SLCO1B1: variants seen among roughly 807,000 people sequenced by gnomAD.
SLCO1B1 encodes the protein OATP-2.
Under a neutral mutation model 70.1 loss-of-function variants are expected in SLCO1B1, and 81 were observed. The ratio of observed to expected loss-of-function variants is 1.16; its 90% CI spans 0.97 to 1.39. The LOEUF (loss-of-function observed/expected upper bound fraction) is 1.39, where lower values mean the gene tolerates loss of function less well. Among genes scored for constraint, SLCO1B1 ranks in the 40% most tolerant of loss-of-function variants. The probability of loss-of-function intolerance (pLI) is 0.00; values close to 1 mark genes in which losing one functional copy is unlikely to be tolerated. For missense variants in SLCO1B1, 895 were observed against 799.6 expected (o/e 1.12, Z -1.44); for synonymous variants, 283 against 271.5 (o/e 1.04, Z -0.42).
At chr12:21,152,046 GT>G (rs556149721) in intron 2 of SLCO1B1, among the ~76,000 whole-genome samples, 78 of 151,926 alleles carry the variant, frequency 5.1e-4, no homozygotes, top group Admixed American at 1.4e-3. Flanking sequence ...TTGGCCCACA[GT>G]TTTTTGATAC....
chr12:21,194,998 T>C (rs1565678831), intron 7 of SLCO1B1, among the ~76,000 whole-genome samples: 1 of 152,110 alleles, frequency 6.6e-6, no homozygotes, highest in Non-Finnish European at 1.5e-5. Flanking sequence ...TGAGAACTCA[T>C]ACACTATTGC....
At chr12:21,206,124 C>A (rs1941212709) in intron 11 of SLCO1B1, 91 bp downstream of exon 11, 3 of 1,062,336 alleles carry the variant, frequency 2.8e-6, no homozygotes, top group Non-Finnish European at 4.3e-6. Context: ...ACTAAGGACT[C>A]CATTAAAAAG....
intron 11 of SLCO1B1, among the ~76,000 whole-genome samples, chr12:21,212,040 T>G (rs12297133): frequency 0.31 from 43,484 of 139,404 alleles, 7,187 homozygotes; most frequent in East Asian, 0.43. Context: ...TTTTTGAAGG[T>G]TTTTTTTTGT....
chr12:21,148,593 A>T lies in SLCO1B1; in HGVS notation c.84+6935A>T, dbSNP rs924937872. The stretch of plus-strand genomic sequence containing the variant: ...ATATATCTGTTTTGGTAAAAGTACC[A>T]TGCTGTGTTGGTTACTGGAGGCTTG... On this transcript the variant is annotated intron_variant, in intron 2 of 14. Coordinates refer to ENST00000256958, the MANE Select transcript of SLCO1B1 (RefSeq NM_006446.5). Among the ~76,000 whole-genome samples the T allele has an allele frequency of 4.6e-5, 7 of 151,694 alleles. No individual in the cohort carries two copies. In the South Asian group the frequency reaches 1.3e-3, roughly 27 times the overall value.
chr12:21,215,975 T>C (rs1018743686), intron 11 of SLCO1B1, among the ~76,000 whole-genome samples: 8 of 152,124 alleles, frequency 5.3e-5, no homozygotes, highest in Non-Finnish European at 1.2e-4. Flanking sequence ...TGGATAAGAA[T>C]GACCCAGTTA....
intron 1 of SLCO1B1, among the ~76,000 whole-genome samples, chr12:21,136,897 G>C (rs1421372150): frequency 1.3e-5 from 2 of 152,170 alleles, no homozygotes; most frequent in Non-Finnish European, 2.9e-5. Flanking sequence ...TTTGGAGGAG[G>C]AGAGGCGCTC....
In SLCO1B1 at chr12:21,239,276, T is replaced by A. The variant is rs1466122638; in HGVS notation, c.*87T>A. 3.2e-6 allele frequency: 3 copies of A among 925,680 alleles called. No individual in the cohort carries two copies. In the South Asian group the frequency reaches 4.0e-5, roughly 12 times the overall value. 57.3% of individuals were successfully genotyped at this position (925,680 alleles called of 1,614,324 possible). On this transcript the variant is annotated 3_prime_UTR_variant, in exon 15 of 15. Coordinates refer to ENST00000256958, the MANE Select transcript of SLCO1B1 (RefSeq NM_006446.5). ...GATGTTATTTTTGAGGAGTTCCTGG[T>A]CCTTTCACTAAGAATTTCCACATCT...
At chr12:21,227,800 C>T (rs925370708) in intron 14 of SLCO1B1, among the ~76,000 whole-genome samples, 2 of 148,100 alleles carry the variant, frequency 1.4e-5, no homozygotes, top group South Asian at 4.3e-4. Flanking sequence ...TATAAAAAGA[C>T]CCTAAAACTA....
At chr12:21,167,885 C>T (rs1940707542) in intron 2 of SLCO1B1, among the ~76,000 whole-genome samples, 1 of 147,302 alleles carries the variant, frequency 6.8e-6, no homozygotes, top group African/African-American at 2.5e-5. Flanking sequence ...GGTGTGATCT[C>T]GTCTCACTGC....
intron 11 of SLCO1B1, among the ~76,000 whole-genome samples, chr12:21,214,191 T>G (rs1325092312): frequency 6.6e-6 from 1 of 152,132 alleles, no homozygotes; most frequent in Non-Finnish European, 1.5e-5. Flanking sequence ...ATCTTTGTGG[T>G]TTTATGTACT....
chr12:21,191,198 T>C (rs929249133), intron 7 of SLCO1B1, among the ~76,000 whole-genome samples: 24 of 152,084 alleles, frequency 1.6e-4, no homozygotes, highest in African/African-American at 5.8e-4. Context: ...TTGATAGGTA[T>C]TGTATTGAAT....
chr12:21,172,273 C>T (rs1417267171), intron 2 of SLCO1B1, among the ~76,000 whole-genome samples: 1 of 152,166 alleles, frequency 6.6e-6, no homozygotes, highest in Non-Finnish European at 1.5e-5. Flanking sequence ...TGAGAATGTA[C>T]TGCCACTCCC....
intron 1 of SLCO1B1, among the ~76,000 whole-genome samples, chr12:21,141,105 C>T (rs1021972660): frequency 2.0e-5 from 3 of 151,822 alleles, no homozygotes; most frequent in African/African-American, 7.3e-5. Flanking sequence ...TGAATATCTA[C>T]TCTGTGCAAG....
At chr12:21,164,549 A>C (rs1378098579) in intron 2 of SLCO1B1, among the ~76,000 whole-genome samples, 1 of 152,092 alleles carries the variant, frequency 6.6e-6, no homozygotes, top group Non-Finnish European at 1.5e-5. Context: ...TGGCTGCCAG[A>C]ATTAACCATC....
At chr12:21,233,025 A>G (rs1941557682) in intron 14 of SLCO1B1, among the ~76,000 whole-genome samples, 1 of 152,144 alleles carries the variant, frequency 6.6e-6, no homozygotes, top group Admixed American at 6.5e-5. Flanking sequence ...AACATTTTCC[A>G]CCCCAGCCTA....
chr12:21,210,782 T>G (rs947056162), intron 11 of SLCO1B1, among the ~76,000 whole-genome samples: 5 of 150,740 alleles, frequency 3.3e-5, no homozygotes, highest in Non-Finnish European at 7.4e-5. Context: ...TCACATCGCT[T>G]GTAAGTTGGA....
chr12:21,223,836 C>G (rs1197024496), intron 13 of SLCO1B1, among the ~76,000 whole-genome samples: 1 of 152,076 alleles, frequency 6.6e-6, no homozygotes, highest in Non-Finnish European at 1.5e-5. Context: ...CATCAAATTA[C>G]CTTTGCCTAG....
intron 8 of SLCO1B1, among the ~76,000 whole-genome samples, chr12:21,198,493 T>C (rs1385514437): frequency 1.3e-5 from 2 of 152,076 alleles, no homozygotes; most frequent in Non-Finnish European, 2.9e-5. Context: ...CGGGGTTGAC[T>C]GTGATCCAAA....
chr12:21,208,343 C>T (rs1177146053), intron 11 of SLCO1B1, among the ~76,000 whole-genome samples: 1 of 152,004 alleles, frequency 6.6e-6, no homozygotes, highest in Non-Finnish European at 1.5e-5. Context: ...CATTTCTCTG[C>T]ATAGTTAGCC....
Sources: gnomAD v4.1 joint callset for allele counts (sites outside exome capture counted in the v4.1 genomes callset) on GRCh38, gnomAD v4.1.1 for gene constraint, MANE v1.5 for transcripts, NCBI Gene and HGNC (gene_info 2026-07-23, HGNC 2026-07-21) for gene names.